Variants in SULT2B1 observed in about 807,000 individuals in gnomAD.
The protein encoded by SULT2B1 is sulfotransferase 2B1.
In SULT2B1, 16 loss-of-function variants were observed where a neutral mutation model predicts 33.2. That is an observed-to-expected ratio of 0.48 (90% CI 0.33 to 0.73). The LOEUF (loss-of-function observed/expected upper bound fraction) is 0.73, where lower values mean the gene tolerates loss of function less well. Ranked by LOEUF, SULT2B1 falls within the 30% of genes least tolerant of loss-of-function variation. The probability of loss-of-function intolerance (pLI) is 0.02; values close to 1 mark genes in which losing one functional copy is unlikely to be tolerated. For synonymous variants in SULT2B1, 186 were observed against 200.5 expected (o/e 0.93, Z 0.61); for missense variants, 500 against 506.0 (o/e 0.99, Z 0.11).
intron 2 of SULT2B1, among the ~76,000 whole-genome samples, chr19:48,586,967 A>G (rs10424445): frequency 0.18 from 26,636 of 151,818 alleles, 2,943 homozygotes; most frequent in African/African-American, 0.3. Flanking sequence ...AAAATTAGCC[A>G]GGCGTGGTGG....
rs142294884 is a variant in SULT2B1 at position 48,569,757 on chromosome 19, C to G, written c.72-6184C>G. Among the ~76,000 whole-genome samples, 414 of 151,946 alleles carry G rather than the reference C, an allele frequency of 2.7e-3. 2 individuals carry two copies. Among genetic ancestry groups the G allele is most frequent in the African/African-American group, 9.1e-3 (378 of 41,456 alleles). ...TCCCAGCTCACCATGACCTCCGCCT[C>G]CCAGGTTAAAGTGATTCTCCTGCCT... is the stretch of plus-strand genomic sequence containing the variant. On this transcript the variant is annotated intron_variant, in intron 1 of 6. Transcript: ENST00000201586.
In SULT2B1 at chr19:48,558,679, C is replaced by CTTTTTTTTT. The variant is rs869189397; in HGVS notation, c.71+6370_71+6378dup. 1.0e-3 allele frequency among the ~76,000 whole-genome samples: 108 copies of CTTTTTTTTT among 106,160 alleles called. 4 individuals are homozygous for CTTTTTTTTT. The highest frequency in any genetic ancestry group is 3.8e-3 in the African/African-American group (92 of 24,064). 69.6% of individuals were successfully genotyped at this position (106,160 alleles called of 152,430 possible). ...TGCTTTTTCTTTTTTCTTTTCTTTT[C>CTTTTTTTTT]TTTTTTTTTTTTTTTTTTTTTTGAG... On this transcript the variant is annotated intron_variant, in intron 1 of 6. Transcript: ENST00000201586.
chr19:48,567,881 A>G (rs976866297), intron 1 of SULT2B1, among the ~76,000 whole-genome samples: 28 of 151,894 alleles, frequency 1.8e-4, no homozygotes, highest in Non-Finnish European at 3.5e-4. Flanking sequence ...AGGCTGAGGC[A>G]GGAAAATCAC....
At chr19:48,574,841 G>A (rs1973381955) in intron 1 of SULT2B1, among the ~76,000 whole-genome samples, 1 of 152,054 alleles carries the variant, frequency 6.6e-6, no homozygotes, top group Admixed American at 6.6e-5. Context: ...CCTGCCCACT[G>A]GACTAAATTT....
intron 1 of SULT2B1, among the ~76,000 whole-genome samples, chr19:48,562,021 A>G (rs934474219): frequency 6.6e-6 from 1 of 152,176 alleles, no homozygotes; most frequent in Non-Finnish European, 1.5e-5. Flanking sequence ...AGGCCAAGGC[A>G]GGAGGATCAC....
intron 1 of SULT2B1, among the ~76,000 whole-genome samples, chr19:48,556,482 G>A (rs754991620): frequency 6.6e-6 from 1 of 152,034 alleles, no homozygotes; most frequent in East Asian, 1.9e-4. Context: ...CAGGGACACA[G>A]GTGGCTTCAG....
Position 48,580,954 on chromosome 19 carries a change from A to G in SULT2B1, c.214+4871A>G, listed in dbSNP as rs949640766. On this transcript the variant is annotated intron_variant, in intron 2 of 6. Transcript: ENST00000201586. ...GTGCCTACTGGTGTTTCACTGTAGT[A>G]TTAATTTGCATTTCCCTAACAGCTA... 2.4e-4 allele frequency among the ~76,000 whole-genome samples: 35 copies of G among 144,542 alleles called. No homozygotes were observed. In the Admixed American group the frequency reaches 2.5e-3, roughly 10 times the overall value. 94.8% of individuals were successfully genotyped at this position (144,542 alleles called of 152,430 possible). A position where few individuals can be genotyped will look rare whatever the true frequency, so the allele number is the denominator to read the frequency against.
chr19:48,558,078 A>T (rs1237924506), intron 1 of SULT2B1, among the ~76,000 whole-genome samples: 1 of 152,252 alleles, frequency 6.6e-6, no homozygotes, highest in East Asian at 1.9e-4. Context: ...CAACCTGTTG[A>T]GTGCTGTCTG....
chr19:48,592,658 G>A (rs1973658291), intron 4 of SULT2B1, 64 bp from the exon 5 acceptor site: 3 of 1,395,828 alleles, frequency 2.1e-6, no homozygotes, highest in Non-Finnish European at 3.0e-6. Context: ...AGACCCATGA[G>A]CCCCAGTGGG....
chr19:48,585,143 C>A (rs1973546056), intron 2 of SULT2B1, among the ~76,000 whole-genome samples: 1 of 150,362 alleles, frequency 6.7e-6, no homozygotes, highest in Non-Finnish European at 1.5e-5. Context: ...GAGTTGGAGG[C>A]TGAAGCTGAA....
In SULT2B1 at chr19:48,576,394, G is replaced by T. The variant is rs8104499; in HGVS notation, c.214+311G>T. Among the ~76,000 whole-genome samples, 2 of 98,912 alleles carry T rather than the reference G, an allele frequency of 2.0e-5. 1 individual carries two copies. The highest frequency in any genetic ancestry group is 3.8e-5 in the Non-Finnish European group (2 of 52,572). 64.9% of individuals were successfully genotyped at this position (98,912 alleles called of 152,430 possible). A position where few individuals can be genotyped will look rare whatever the true frequency, so the allele number is the denominator to read the frequency against. On this transcript the variant is annotated intron_variant, in intron 2 of 6. Transcript: ENST00000201586. ...TTTTTTTTTGTAGAGATGGGGTCTC[G>T]CTACATTGCCCAGGCTGGTCTTGAA...
At chr19:48,553,461 C>T (rs1157166607) in intron 1 of SULT2B1, among the ~76,000 whole-genome samples, 1 of 152,174 alleles carries the variant, frequency 6.6e-6, no homozygotes, top group Non-Finnish European at 1.5e-5. Flanking sequence ...GAGCCCGCCA[C>T]CATGCCCGGC....
intron 1 of SULT2B1, among the ~76,000 whole-genome samples, chr19:48,557,200 G>A (rs1026721574): frequency 2.6e-5 from 4 of 152,134 alleles, no homozygotes; most frequent in East Asian, 3.8e-4. Flanking sequence ...AAGATGCATC[G>A]CTCAGAATGT....
At chr19:48,569,138 C>A (rs1056677025) in intron 1 of SULT2B1, among the ~76,000 whole-genome samples, 3 of 150,880 alleles carry the variant, frequency 2.0e-5, no homozygotes, top group African/African-American at 7.3e-5. Flanking sequence ...GTCAGGAGAT[C>A]GAGACCATCC....
chr19:48,573,834 C>A (rs955141262), intron 1 of SULT2B1, among the ~76,000 whole-genome samples: 1 of 152,048 alleles, frequency 6.6e-6, no homozygotes, highest in Non-Finnish European at 1.5e-5. Context: ...CCCAATTCTA[C>A]CCCACCCACT....
At chr19:48,588,258 C>A (rs115094053) in intron 3 of SULT2B1, among the ~76,000 whole-genome samples, 5,283 of 148,898 alleles carry the variant, frequency 0.035, 319 homozygotes, top group African/African-American at 0.12. Flanking sequence ...CACGTTTGTA[C>A]TCCCAGCACT....
chr19:48,565,729 C>T (rs1352072347), intron 1 of SULT2B1, among the ~76,000 whole-genome samples: 1 of 151,780 alleles, frequency 6.6e-6, no homozygotes, highest in Non-Finnish European at 1.5e-5. Flanking sequence ...CTACAGTAAA[C>T]CACACAAATC....
intron 1 of SULT2B1, among the ~76,000 whole-genome samples, chr19:48,572,742 C>T (rs930081751): frequency 2.0e-5 from 3 of 151,830 alleles, no homozygotes; most frequent in African/African-American, 4.8e-5. Context: ...GAGGCTGAGT[C>T]GAGGGCCCAC....
chr19:48,581,798 T>C (rs1973492402), intron 2 of SULT2B1, among the ~76,000 whole-genome samples: 1 of 151,642 alleles, frequency 6.6e-6, no homozygotes, highest in Non-Finnish European at 1.5e-5. Flanking sequence ...CTTGATCAGA[T>C]ACTTGTTTTG....
Sources: gnomAD v4.1 joint callset for allele counts (sites outside exome capture counted in the v4.1 genomes callset) on GRCh38, gnomAD v4.1.1 for gene constraint, MANE v1.5 for transcripts, NCBI Gene and HGNC (gene_info 2026-07-23, HGNC 2026-07-21) for gene names.